Variants in GCNT1 observed in about 807,000 individuals in gnomAD.
GCNT1 encodes beta-1,3-galactosyl-O-glycosyl-glycoprotein beta-1,6-N-acetylglucosaminyltransferase.
In GCNT1, 16 loss-of-function variants were observed where a neutral mutation model predicts 26.2. That is an observed-to-expected ratio of 0.61 (90% CI 0.41 to 0.93). The LOEUF is 0.93. GCNT1 is among the 40% of genes least tolerant of loss of function. The pLI, the probability that GCNT1 is intolerant of heterozygous loss-of-function variation, is 0.00. For synonymous variants in GCNT1, 183 were observed against 190.8 expected (o/e 0.96, Z 0.34); for missense variants, 477 against 526.7 (o/e 0.91, Z 0.92).
intron 2 of GCNT1, among the ~76,000 whole-genome samples, chr9:76,492,565 G>A (rs959330668): frequency 2.7e-5 from 4 of 150,850 alleles, no homozygotes; most frequent in Admixed American, 6.7e-5. Flanking sequence ...GATGACATGA[G>A]CTGGTGCTTG....
intron 2 of GCNT1, among the ~76,000 whole-genome samples, chr9:76,488,187 G>T (rs1311074162): frequency 6.6e-6 from 1 of 152,160 alleles, no homozygotes; most frequent in African/African-American, 2.4e-5. Flanking sequence ...CATGATTAAT[G>T]AATACATCTT....
chr9:76,413,657 T>TTG, the GCNT1 span, among the ~76,000 whole-genome samples: 2 of 106,600 alleles, frequency 1.9e-5, no homozygotes, highest in African/African-American at 7.5e-5. Flanking sequence ...TGTTTTGTTT[T>TTG]TTTTTTTTTT....
chr9:76,467,862 T>A (rs1401969463), intron 2 of GCNT1, among the ~76,000 whole-genome samples: 2 of 151,590 alleles, frequency 1.3e-5, no homozygotes, highest in Non-Finnish European at 2.9e-5. Context: ...TTATAAGCAT[T>A]TAAGGTCAAG....
intron 1 of GCNT1, among the ~76,000 whole-genome samples, chr9:76,450,286 T>C (rs1432672366): frequency 6.6e-6 from 1 of 152,262 alleles, no homozygotes; most frequent in African/African-American, 2.4e-5. Flanking sequence ...GATTCCCTTA[T>C]AGCATATGCG....
chr9:76,441,309 C>T (rs948096864), upstream of GCNT1, among the ~76,000 whole-genome samples: 15 of 152,014 alleles, frequency 9.9e-5, no homozygotes, highest in Admixed American at 9.2e-4. Context: ...CCATGCCTGG[C>T]TAATTTTTTT....
At chr9:76,458,721 A>T (rs1345678414), upstream of GCNT1, among the ~76,000 whole-genome samples, 1 of 152,202 alleles carries the variant, frequency 6.6e-6, no homozygotes, top group Non-Finnish European at 1.5e-5. Flanking sequence ...GTGGAAATAC[A>T]CATGAATGTA....
At chr9:76,403,508 G>T in the GCNT1 span, among the ~76,000 whole-genome samples, 2 of 152,132 alleles carry the variant, frequency 1.3e-5, no homozygotes, top group African/African-American at 4.8e-5. Context: ...TTACTGACAT[G>T]AACCTAGAAC....
the GCNT1 span, among the ~76,000 whole-genome samples, chr9:76,403,401 G>A: frequency 6.6e-6 from 1 of 152,156 alleles, no homozygotes; most frequent in Admixed American, 6.5e-5. Flanking sequence ...GAAAAACTAT[G>A]CAAATGCAAT....
intron 2 of GCNT1, among the ~76,000 whole-genome samples, chr9:76,474,703 TTA>T (rs1206390398): frequency 6.6e-6 from 1 of 152,252 alleles, no homozygotes; most frequent in Admixed American, 6.5e-5. Flanking sequence ...TTTTGGGAAA[TTA>T]TATGCTTTGC....
At chr9:76,488,641 T>C (rs184425161) in intron 2 of GCNT1, among the ~76,000 whole-genome samples, 63 of 152,184 alleles carry the variant, frequency 4.1e-4, no homozygotes, top group Admixed American at 2.1e-3. Flanking sequence ...CACACCACCA[T>C]GCCCCGCTAA....
intron 2 of GCNT1, among the ~76,000 whole-genome samples, chr9:76,460,807 T>C (rs913719360): frequency 6.6e-6 from 1 of 152,236 alleles, no homozygotes; most frequent in Non-Finnish European, 1.5e-5. Context: ...ATGATGAGGG[T>C]TTGACGGTCA....
upstream of GCNT1, among the ~76,000 whole-genome samples, chr9:76,454,245 G>A (rs1823715248): frequency 6.6e-6 from 1 of 151,830 alleles, no homozygotes; most frequent in Admixed American, 6.6e-5. Context: ...CATGGTTGGT[G>A]CATGCCTGTA....
At chr9:76,458,807 A>C (rs112876582), upstream of GCNT1, among the ~76,000 whole-genome samples, 33 of 152,348 alleles carry the variant, frequency 2.2e-4, no homozygotes, top group African/African-American at 7.7e-4. Context: ...GGTTATCTCT[A>C]AACTTTACAT....
the GCNT1 span, among the ~76,000 whole-genome samples, chr9:76,396,993 AT>A: frequency 6.7e-6 from 1 of 150,192 alleles, no homozygotes; most frequent in African/African-American, 2.4e-5. Flanking sequence ...CACTAAAAAA[AT>A]AAATAGGCCG....
chr9:76,459,829 G>A (rs940674514), intron 1 of GCNT1, among the ~76,000 whole-genome samples: 5 of 152,140 alleles, frequency 3.3e-5, no homozygotes, highest in Non-Finnish European at 7.4e-5. Flanking sequence ...TAGGGGCTCC[G>A]AAGCCTCTCC....
At chr9:76,404,487 C>A in the GCNT1 span, among the ~76,000 whole-genome samples, 1 of 152,160 alleles carries the variant, frequency 6.6e-6, no homozygotes, top group Non-Finnish European at 1.5e-5. Context: ...ATTTTTCACT[C>A]CTTTTATTGA....
At chr9:76,410,245 G>A in the GCNT1 span, among the ~76,000 whole-genome samples, 3 of 152,006 alleles carry the variant, frequency 2.0e-5, no homozygotes, top group Non-Finnish European at 2.9e-5. Flanking sequence ...CAGCCTGACC[G>A]ACATGATGAA....
the GCNT1 span, among the ~76,000 whole-genome samples, chr9:76,406,962 A>G: frequency 6.6e-6 from 1 of 151,802 alleles, no homozygotes; most frequent in African/African-American, 2.4e-5. Flanking sequence ...AATCATTTGA[A>G]CCCCAGAGGC....
At chr9:76,435,021 C>T (rs1357139448) in intron 1 of GCNT1, among the ~76,000 whole-genome samples, 1 of 152,176 alleles carries the variant, frequency 6.6e-6, no homozygotes, top group Non-Finnish European at 1.5e-5. Flanking sequence ...CAAGACAATA[C>T]GTGCACAGCT....
Sources: allele counts gnomAD v4.1 joint callset (sites outside exome capture counted in the v4.1 genomes callset), GRCh38; gene constraint gnomAD v4.1.1; transcripts MANE v1.5; gene names NCBI Gene and HGNC (gene_info 2026-07-23, HGNC 2026-07-21).